RFX7: variants seen among roughly 807,000 people sequenced by gnomAD.
The protein encoded by RFX7 is DNA-binding protein RFX7.
RFX7 carries 26 observed loss-of-function variants against 111.8 expected under a neutral mutation model. The observed-to-expected ratio is 0.23, with a 90% confidence interval of 0.17 to 0.32. RFX7 has a LOEUF of 0.32. Ranked by LOEUF, RFX7 falls within the 10% of genes least tolerant of loss-of-function variation. The pLI, the probability that RFX7 is intolerant of heterozygous loss-of-function variation, is 1.00. For missense variants in RFX7, 1,573 were observed against 1,772.9 expected (o/e 0.89, Z 2.02); for synonymous variants, 624 against 624.4 (o/e 1.00, Z 0.01).
At chr15:56,106,540 A>T (rs2041832002) in intron 5 of RFX7, among the ~76,000 whole-genome samples, 1 of 152,194 alleles carries the variant, frequency 6.6e-6, no homozygotes, top group East Asian at 1.9e-4. Context: ...ATAAATCAGA[A>T]GTTGTATAGT....
chr15:56,148,129 A>T (rs2042510119), intron 3 of RFX7, among the ~76,000 whole-genome samples: 1 of 152,178 alleles, frequency 6.6e-6, no homozygotes, highest in Non-Finnish European at 1.5e-5. Context: ...AACTTAAAAG[A>T]CCTCTTTCTC....
At chr15:56,238,411 C>T (rs2043648455) in intron 2 of RFX7, among the ~76,000 whole-genome samples, 1 of 152,168 alleles carries the variant, frequency 6.6e-6, no homozygotes, top group Non-Finnish European at 1.5e-5. Flanking sequence ...TTATTATAAT[C>T]TTCAGCCTAA....
At position 56,142,883 on chromosome 15, in the gene RFX7, G is replaced by A. The variant is rs2042420519; in HGVS notation, c.296C>T (p.Ser99Leu). 1.2e-6 allele frequency: 2 copies of A among 1,613,478 alleles called. No individual in the cohort carries two copies. The highest frequency in any genetic ancestry group is 1.3e-5 in the African/African-American group (1 of 74,930). Reference sequence around the variant, plus strand: ...ATGCATTTGTTGTGCCCGACTAGATGACATGGCATTCTGATCACTAATAGA... The same window carrying A: ...ATGCATTTGTTGTGCCCGACTAGATAACATGGCATTCTGATCACTAATAGA... Reference protein sequence around the residue: ...NGEKSDQNAMSSSRAQQMHAF... With the variant: ...NGEKSDQNAMLSSRAQQMHAF... Residue 99 changes from serine to leucine, a missense_variant, in exon 5 of 10, where the codon TCA (serine) becomes TTA (leucine). Ser to Leu is a moderately radical substitution (Grantham distance 145, BLOSUM62 -2). Coordinates refer to ENST00000559447, the MANE Select transcript of RFX7 (RefSeq NM_022841.7).
At chr15:56,236,746 T>C (rs996086558) in intron 2 of RFX7, among the ~76,000 whole-genome samples, 5 of 152,188 alleles carry the variant, frequency 3.3e-5, no homozygotes, top group Admixed American at 6.5e-5. Context: ...ATTACTATTA[T>C]GGGATAAGGT....
chr15:56,207,617 A>T (rs1368621090), intron 2 of RFX7, among the ~76,000 whole-genome samples: 1 of 152,216 alleles, frequency 6.6e-6, no homozygotes, highest in African/African-American at 2.4e-5. Context: ...CAAAGTTCTT[A>T]GACTTGGCAC....
intron 5 of RFX7, among the ~76,000 whole-genome samples, chr15:56,132,500 TTAAAA>T (rs1488888349): frequency 2.0e-5 from 3 of 151,724 alleles, no homozygotes; most frequent in African/African-American, 7.3e-5. Context: ...TTAGAAAAAA[TTAAAA>T]TAAGTACCTT....
At chr15:56,241,719 G>A (rs1368531998) in intron 2 of RFX7, among the ~76,000 whole-genome samples, 1 of 99,816 alleles carries the variant, frequency 1.0e-5, no homozygotes, top group Non-Finnish European at 2.4e-5. Flanking sequence ...CCTGCTTTCT[G>A]TCACACACAC....
intron 5 of RFX7, among the ~76,000 whole-genome samples, chr15:56,118,285 C>A (rs113239911): frequency 0.065 from 9,928 of 152,042 alleles, 446 homozygotes; most frequent in Admixed American, 0.1. Flanking sequence ...AGATCTTATT[C>A]ATTCCTTCTA....
upstream of RFX7, chr15:56,243,925 G>T (rs1309993063): frequency 2.7e-5 from 4 of 149,650 alleles, no homozygotes; most frequent in African/African-American, 7.3e-5. Context: ...CGCTCCGCCG[G>T]GGGGCGTGGA....
intron 2 of RFX7, among the ~76,000 whole-genome samples, chr15:56,242,780 T>A (rs2043716537): frequency 6.6e-6 from 1 of 152,170 alleles, no homozygotes; most frequent in Admixed American, 6.5e-5. Flanking sequence ...GTAAACACAT[T>A]TCACATTCTC....
intron 5 of RFX7, among the ~76,000 whole-genome samples, chr15:56,118,299 A>G (rs749808302): frequency 6.6e-6 from 1 of 151,978 alleles, no homozygotes; most frequent in Non-Finnish European, 1.5e-5. Flanking sequence ...CCTTCTAACT[A>G]TGTTTTTGTA....
At chr15:56,118,785 T>G (rs2042040220) in intron 5 of RFX7, among the ~76,000 whole-genome samples, 1 of 152,238 alleles carries the variant, frequency 6.6e-6, no homozygotes, top group South Asian at 2.1e-4. Context: ...TTCTCTACAG[T>G]AGCTTTACTA....
At chr15:56,110,130 G>T (rs1438502141) in intron 5 of RFX7, among the ~76,000 whole-genome samples, 1 of 137,994 alleles carries the variant, frequency 7.2e-6, no homozygotes, top group Non-Finnish European at 1.6e-5. Flanking sequence ...GCCCAGTCCG[G>T]GAGGGAGGTG....
At chr15:56,148,913 C>T (rs1250832764) in intron 3 of RFX7, among the ~76,000 whole-genome samples, 3 of 152,016 alleles carry the variant, frequency 2.0e-5, no homozygotes, top group Non-Finnish European at 2.9e-5. Flanking sequence ...AACCCCATCT[C>T]TACTAAAAAT....
chr15:56,103,942 A>G (rs1191034822), intron 5 of RFX7, among the ~76,000 whole-genome samples: 3 of 152,188 alleles, frequency 2.0e-5, no homozygotes, highest in South Asian at 2.1e-4. Flanking sequence ...TCGAATTACA[A>G]TCCCAACCAG....
In RFX7 at chr15:56,191,042, C is replaced by T. The variant is rs555256846; in HGVS notation, c.162-11739G>A. 3.7e-4 allele frequency among the ~76,000 whole-genome samples: 57 copies of T among 152,304 alleles called. 1 individual carries two copies. Among genetic ancestry groups the T allele is most frequent in the African/African-American group, 1.3e-3 (52 of 41,570 alleles). The stretch of plus-strand genomic sequence containing the variant: ...GTTTGCTCTTTGAAATCACTCTCTA[C>T]CCTCTGTGATAACCCAGGAAGCTGG... On this transcript the variant is annotated intron_variant, in intron 2 of 9. Coordinates refer to ENST00000559447, the MANE Select transcript of RFX7 (RefSeq NM_022841.7).
chr15:56,126,817 C>G (rs899406070), intron 5 of RFX7, among the ~76,000 whole-genome samples: 9 of 151,914 alleles, frequency 5.9e-5, no homozygotes, highest in Non-Finnish European at 1.3e-4. Flanking sequence ...GTCAATCCAC[C>G]AAGAAGCTGT....
chr15:56,176,404 T>C (rs1408586566), intron 3 of RFX7, among the ~76,000 whole-genome samples: 2 of 152,112 alleles, frequency 1.3e-5, no homozygotes, highest in South Asian at 2.1e-4. Flanking sequence ...GAGAAGTGAA[T>C]GAGTGACAGA....
rs146121670 is a variant in RFX7, at chr15:56,162,579, T to C, written c.195+16691A>G. Among the ~76,000 whole-genome samples the C allele has an allele frequency of 1.4e-3, 215 of 152,056 alleles. 2 individuals are homozygous for C. The highest frequency in any genetic ancestry group is 5.6e-3 in the Admixed American group (86 of 15,262). On this transcript the variant is annotated intron_variant, in intron 3 of 9. Transcript: ENST00000559447. Reference sequence around the variant, plus strand: ...GTTTATAATCATGAAACACAAAAGTTACCAGAACTTATTTTTTTGGGGCTC... The same window carrying C: ...GTTTATAATCATGAAACACAAAAGTCACCAGAACTTATTTTTTTGGGGCTC...
Sources: allele counts gnomAD v4.1 joint callset (sites outside exome capture counted in the v4.1 genomes callset), GRCh38; gene constraint gnomAD v4.1.1; transcripts MANE v1.5; gene names NCBI Gene and HGNC (gene_info 2026-07-23, HGNC 2026-07-21).